TEX11: variants seen among roughly 807,000 people sequenced by gnomAD.
The protein encoded by TEX11 is testis expressed 11.
Under a neutral mutation model 84.4 loss-of-function variants are expected in TEX11, and 7 were observed. The ratio of observed to expected loss-of-function variants is 0.08; its 90% CI spans 0.05 to 0.16. TEX11 has a LOEUF of 0.16. Among genes scored for constraint, TEX11 ranks in the 10% least tolerant of loss-of-function variants. The pLI is 1.00. For missense variants in TEX11, 551 were observed against 660.5 expected (o/e 0.83, Z 1.82); for synonymous variants, 264 against 222.8 (o/e 1.18, Z -1.64).
chrX:70,803,191 C>T (rs1376454817), intron 9 of TEX11, among the ~76,000 whole-genome samples: 2 of 111,814 alleles, frequency 1.8e-5, no homozygotes, highest in Non-Finnish European at 3.8e-5. Flanking sequence ...ACCTTGCATT[C>T]GGATTTCAAA....
At chrX:70,896,664 C>T (rs996011811) in intron 2 of TEX11, among the ~76,000 whole-genome samples, 2 of 111,488 alleles carry the variant, frequency 1.8e-5, no homozygotes, top group African/African-American at 3.3e-5. Flanking sequence ...TGTAGCACAT[C>T]TACACCATGG....
rs993562303 is a variant in TEX11, at chrX:70,733,013, C to G, written c.844-7670G>C. ...AATAATGCCACACATCTACAACTAT[C>G]TGACCTTTGACAAATCTGACAAAAA... On this transcript the variant is annotated intron_variant, in intron 11 of 29. Coordinates refer to ENST00000374333, the MANE Select transcript of TEX11 (RefSeq NM_031276.3). Among the ~76,000 whole-genome samples the G allele has an allele frequency of 6.3e-5, 7 of 111,937 alleles. No homozygotes were observed. In the Admixed American group the frequency reaches 6.7e-4, roughly 11 times the overall value.
chrX:70,758,601 T>C (rs776360635), intron 9 of TEX11, among the ~76,000 whole-genome samples: 1 of 112,170 alleles, frequency 8.9e-6, no homozygotes, highest in East Asian at 2.8e-4. Flanking sequence ...CCAGAATCTC[T>C]GGGACACATT....
chrX:70,838,039 G>A (rs916379861), intron 7 of TEX11, among the ~76,000 whole-genome samples: 1 of 112,131 alleles, frequency 8.9e-6, no homozygotes, highest in Non-Finnish European at 1.9e-5. Flanking sequence ...CAAAAAGCTG[G>A]GTGAAGGGTA....
the TEX11 span, among the ~76,000 whole-genome samples, chrX:70,520,510 G>T: frequency 8.9e-6 from 1 of 112,006 alleles, no homozygotes; most frequent in Non-Finnish European, 1.9e-5. Flanking sequence ...TCCTCTGGAA[G>T]CTTCGTCTCA....
chrX:70,816,848 G>C (rs1318440068), intron 8 of TEX11, among the ~76,000 whole-genome samples: 1 of 111,416 alleles, frequency 9.0e-6, no homozygotes, highest in East Asian at 2.8e-4. Flanking sequence ...AAGAGGGTAA[G>C]CACCCAGGGA....
the TEX11 span, among the ~76,000 whole-genome samples, chrX:70,520,096 G>A: frequency 5.4e-5 from 6 of 111,690 alleles, no homozygotes; most frequent in Admixed American, 9.6e-5. Context: ...TGTTGTTACC[G>A]ACCTTCCGAA....
intron 13 of TEX11, among the ~76,000 whole-genome samples, chrX:70,717,508 A>G (rs1275996699): frequency 9.0e-6 from 1 of 111,141 alleles, no homozygotes; most frequent in Non-Finnish European, 1.9e-5. Flanking sequence ...CAGTAGAGAC[A>G]GGGGTTTGCC....
At chrX:70,511,752 C>CAAAAAAAAAAAAAAAAAAAAA in the TEX11 span, among the ~76,000 whole-genome samples, 5 of 32,741 alleles carry the variant, frequency 1.5e-4, no homozygotes, top group Admixed American at 2.8e-4. Flanking sequence ...GACTCCATCT[C>CAAAAAAAAAAAAAAAAAAAAA]AAAAAAAAAA....
chrX:70,789,045 G>A (rs1252477090), intron 9 of TEX11, among the ~76,000 whole-genome samples: 17 of 84,063 alleles, frequency 2.0e-4, no homozygotes, highest in Non-Finnish European at 3.6e-4. Flanking sequence ...AATAAATAAT[G>A]GGCAAAAAGC....
At chrX:70,897,676 A>G (rs1271715022) in intron 2 of TEX11, 44 of 70,865 alleles carry the variant, frequency 6.2e-4, no homozygotes, top group African/African-American at 1.2e-3. Flanking sequence ...AAACAAAGAA[A>G]GAAAAAGAAA....
At chrX:70,572,825 G>T (rs1276868335) in intron 25 of TEX11, among the ~76,000 whole-genome samples, 2 of 89,333 alleles carry the variant, frequency 2.2e-5, no homozygotes, top group Non-Finnish European at 4.3e-5. Flanking sequence ...CACAGGAAGG[G>T]GAACATCACA....
intron 17 of TEX11, among the ~76,000 whole-genome samples, chrX:70,641,917 T>A (rs1440037027): frequency 2.7e-5 from 3 of 110,464 alleles, no homozygotes; most frequent in African/African-American, 9.9e-5. Flanking sequence ...ATAACTAAGA[T>A]CAGAGCAGAA....
At chrX:70,684,533 C>A (rs1043158625) in intron 13 of TEX11, among the ~76,000 whole-genome samples, 1 of 111,804 alleles carries the variant, frequency 8.9e-6, no homozygotes, top group African/African-American at 3.3e-5. Context: ...TTGCAGTGAG[C>A]CGAGATCTCC....
intron 9 of TEX11, among the ~76,000 whole-genome samples, chrX:70,756,692 A>C (rs1009785288): frequency 8.9e-6 from 1 of 112,175 alleles, no homozygotes; most frequent in Non-Finnish European, 1.9e-5. Flanking sequence ...AAAATTCCAA[A>C]AACCAGAGTG....
chrX:70,853,021 C>T lies in TEX11; in HGVS notation c.525+13G>A. The T allele has an allele frequency of 2.5e-6, 3 of 1,206,849 alleles. No homozygotes were observed. Among genetic ancestry groups the T allele is most frequent in the Non-Finnish European group, 3.4e-6 (3 of 893,053 alleles). On this transcript the variant is annotated intron_variant, in intron 7 of 29. Transcript: ENST00000374333. ...ATGCCCCACTGGAAGACCCTGGTGC[C>T]CACGATACCTACTGACTCTGCTTGG...
rs754901572 is a variant in TEX11, at chrX:70,793,855, G to A, written c.692+12850C>T. Among the ~76,000 whole-genome samples, 4 of 103,868 alleles carry A rather than the reference G, an allele frequency of 3.9e-5. No individual in the cohort carries two copies. In the East Asian group the frequency reaches 9.1e-4, roughly 24 times the overall value. The allele number at this position is 103,868 out of a possible 115,157, so 90.2% of individuals were successfully genotyped here. The stretch of plus-strand genomic sequence containing the variant: ...GACATTATGATTCTATAACTAGAAA[G>A]CACTAAAGCCTCCAAAAAAAAAAAA... On this transcript the variant is annotated intron_variant, in intron 9 of 29. Transcript: ENST00000374333.
intron 2 of TEX11, among the ~76,000 whole-genome samples, chrX:70,888,613 G>A (rs763222610): frequency 9.0e-6 from 1 of 111,683 alleles, no homozygotes; most frequent in Admixed American, 9.6e-5. Context: ...AAAGCTAATA[G>A]TTATTGGCCT....
intron 9 of TEX11, among the ~76,000 whole-genome samples, chrX:70,744,919 C>T (rs747371039): frequency 9.3e-6 from 1 of 106,995 alleles, no homozygotes; most frequent in Non-Finnish European, 1.9e-5. Flanking sequence ...TAGGGTTTCA[C>T]CATGTTGGCC....
Sources: gnomAD v4.1 joint callset for allele counts (sites outside exome capture counted in the v4.1 genomes callset) on GRCh38, gnomAD v4.1.1 for gene constraint, MANE v1.5 for transcripts, NCBI Gene and HGNC (gene_info 2026-07-23, HGNC 2026-07-21) for gene names.